RASSF5: variants seen among roughly 807,000 people sequenced by gnomAD.
RASSF5 encodes the protein Ras association domain family member 5, also known as ras association domain-containing protein 5.
Under a neutral mutation model 40.5 loss-of-function variants are expected in RASSF5, and 25 were observed. The ratio of observed to expected loss-of-function variants is 0.62; its 90% CI spans 0.45 to 0.86. RASSF5 has a LOEUF of 0.86. RASSF5 is among the 40% of genes least tolerant of loss of function. The pLI is 0.00. For synonymous variants in RASSF5, 246 were observed against 252.4 expected, an observed-to-expected ratio of 0.97 and a Z score of 0.24; for missense variants, 521 against 572.8, an observed-to-expected ratio of 0.91 and a Z score of 0.92.
chr1:206,550,147 C>T (rs1553400862), intron 2 of RASSF5, among the ~76,000 whole-genome samples: 1 of 152,138 alleles, frequency 6.6e-6, no homozygotes, highest in Admixed American at 6.5e-5. Context: ...TAGGGATCAA[C>T]TCATTTGTTT....
At chr1:206,565,223 C>T (rs1385479003) in intron 2 of RASSF5, among the ~76,000 whole-genome samples, 3 of 152,168 alleles carry the variant, frequency 2.0e-5, no homozygotes, top group African/African-American at 7.2e-5. Context: ...CAGGCCTCTC[C>T]TCTCTGTCCC....
In RASSF5 at chr1:206,535,670, G is replaced by A. The variant is rs1273955850; in HGVS notation, c.458-2502G>A. On this transcript the variant is annotated intron_variant, in intron 1 of 5. Transcript: ENST00000579436. This position sits in a 1 kb window ranked among gnomAD's most constrained non-coding sequence, Gnocchi z 5.0. Reference sequence around the variant, plus strand: ...TACTTAGTGTTGTCCAGCTCAGCATGGTGATGTTTTCAGGGTGTGTGTGTG... The same window carrying A: ...TACTTAGTGTTGTCCAGCTCAGCATAGTGATGTTTTCAGGGTGTGTGTGTG... 6.6e-6 allele frequency among the ~76,000 whole-genome samples: 1 copy of A among 151,680 alleles called. No individual in the cohort carries two copies. The highest frequency in any genetic ancestry group is 1.5e-5 in the Non-Finnish European group (1 of 67,950).
At chr1:206,523,885 A>T (rs1470462416) in intron 1 of RASSF5, among the ~76,000 whole-genome samples, 3 of 111,032 alleles carry the variant, frequency 2.7e-5, no homozygotes, top group South Asian at 2.6e-4. Context: ...TTTTATATAT[A>T]TTTTTCATGT....
At chr1:206,510,513 T>C (rs746127115) in intron 1 of RASSF5, among the ~76,000 whole-genome samples, 6 of 152,220 alleles carry the variant, frequency 3.9e-5, no homozygotes, top group Non-Finnish European at 7.3e-5. Flanking sequence ...ATGATTGTTA[T>C]TGTCCCCTCC....
rs781998960 is a variant in RASSF5, at chr1:206,584,261, C to T, written c.691-126C>T. ...TCTGCTCCTTCCTCCAGCTCTCCCA[C>T]GTCAGCAGAGGCAGGAAAGAACTCA... On this transcript the variant is annotated intron_variant, in intron 3 of 5. Transcript: ENST00000579436. The surrounding 1 kb of genome is among the most constrained non-coding windows in gnomAD (Gnocchi z 4.9). The T allele has an allele frequency of 8.2e-5, 74 of 899,946 alleles. No homozygotes were observed. The highest frequency in any genetic ancestry group is 6.6e-4 in the Middle Eastern group (2 of 3,044). The allele number at this position is 899,946 out of a possible 1,614,324, so 55.7% of individuals were successfully genotyped here.
At chr1:206,549,014 T>C (rs1054415707) in intron 2 of RASSF5, among the ~76,000 whole-genome samples, 14 of 152,090 alleles carry the variant, frequency 9.2e-5, no homozygotes, top group African/African-American at 3.4e-4. Flanking sequence ...TACAGGTGCC[T>C]GCCAACGCTC....
intron 2 of RASSF5, among the ~76,000 whole-genome samples, chr1:206,538,840 T>C (rs1349151217): frequency 6.6e-6 from 1 of 152,256 alleles, no homozygotes; most frequent in African/African-American, 2.4e-5. Flanking sequence ...CAGAGGAGTG[T>C]GTTTATTGCT....
intron 1 of RASSF5, among the ~76,000 whole-genome samples, chr1:206,537,630 A>G (rs1667449916): frequency 6.6e-6 from 1 of 152,218 alleles, no homozygotes; most frequent in South Asian, 2.1e-4. Context: ...AAAATCAAAA[A>G]TCCGAATTGC....
rs782072454 is a variant in RASSF5, at chr1:206,579,835, G to A, written c.580-3434G>A. 6.6e-6 allele frequency among the ~76,000 whole-genome samples: 1 copy of A among 152,120 alleles called. No homozygotes were observed. Among genetic ancestry groups the A allele is most frequent in the Admixed American group, 6.5e-5 (1 of 15,282 alleles). ...CATCTCTTGGGTGGAAAAAGGATCC[G>A]TGAGCCCTCGTGGCTGTGGCTGGCT... On this transcript the variant is annotated intron_variant, in intron 2 of 5. Coordinates refer to ENST00000579436, the MANE Select transcript of RASSF5 (RefSeq NM_182663.4). This position sits in a 1 kb window ranked among gnomAD's most constrained non-coding sequence, Gnocchi z 4.2.
In RASSF5 at chr1:206,564,657, G is replaced by C. The variant is rs1039248030; in HGVS notation, c.580-18612G>C. On this transcript the variant is annotated intron_variant, in intron 2 of 5. Coordinates refer to ENST00000579436, the MANE Select transcript of RASSF5 (RefSeq NM_182663.4). ...CACTTACCAGGTACCCCACACCTGTGTATCTTCTGGCTTTGGGAGCTCCCT... is the reference window on the plus strand; with the variant it reads ...CACTTACCAGGTACCCCACACCTGTCTATCTTCTGGCTTTGGGAGCTCCCT... 7.2e-5 allele frequency among the ~76,000 whole-genome samples: 11 copies of C among 152,280 alleles called. No individual in the cohort carries two copies. In the East Asian group the frequency reaches 2.1e-3, roughly 29 times the overall value.
At chr1:206,545,666 T>A (rs1427023751) in intron 2 of RASSF5, among the ~76,000 whole-genome samples, 2 of 152,194 alleles carry the variant, frequency 1.3e-5, no homozygotes, top group African/African-American at 2.4e-5. Context: ...TTAATTGACC[T>A]GTGTATCATT....
At chr1:206,526,608 G>C (rs549122222) in intron 1 of RASSF5, among the ~76,000 whole-genome samples, 4 of 152,100 alleles carry the variant, frequency 2.6e-5, no homozygotes, top group African/African-American at 9.7e-5. Context: ...AGACCTCCAG[G>C]CTTGACTATC....
chr1:206,556,623 G>A (rs1667993870), intron 2 of RASSF5, among the ~76,000 whole-genome samples: 1 of 152,312 alleles, frequency 6.6e-6, no homozygotes, highest in Non-Finnish European at 1.5e-5. Flanking sequence ...CTTCCTGAGG[G>A]CCAAGTTCTA....
At chr1:206,556,358 G>A (rs1481075845) in intron 2 of RASSF5, among the ~76,000 whole-genome samples, 2 of 152,238 alleles carry the variant, frequency 1.3e-5, no homozygotes, top group Non-Finnish European at 2.9e-5. Context: ...TAGAGTGCAC[G>A]TAAATCACTT....
At chr1:206,526,925 G>T (rs1273054476) in intron 1 of RASSF5, among the ~76,000 whole-genome samples, 1 of 152,168 alleles carries the variant, frequency 6.6e-6, no homozygotes, top group Non-Finnish European at 1.5e-5. Flanking sequence ...GGTGCCGTTG[G>T]ATGCTTTGCA....
intron 1 of RASSF5, chr1:206,529,160 G>A: frequency 6.6e-7 from 1 of 1,508,722 alleles, no homozygotes; most frequent in Non-Finnish European, 8.9e-7. Context: ...AGTTCACCCA[G>A]GCCCTGGACC....
chr1:206,518,243 C>T (rs1201953528), intron 1 of RASSF5: 3 of 394,510 alleles, frequency 7.6e-6, no homozygotes, highest in Non-Finnish European at 1.3e-5. Flanking sequence ...AAGGCATCGT[C>T]AGTCGTTGAG....
chr1:206,507,977 C>A lies in RASSF5; in HGVS notation c.375C>A (p.Phe125Leu). The change falls in exon 1 of 6, where the codon TTC (phenylalanine) becomes TTA (leucine). Residue 125 changes from phenylalanine to leucine, a missense_variant. Coordinates refer to ENST00000579436, the MANE Select transcript of RASSF5 (RefSeq NM_182663.4). The part of the protein sequence containing the change: ...VPAERGEGHC[F>L]AELVLPGGPG... ...CGGAGCGAGGCGAGGGGCACTGCTT[C>A]GCCGAGTTGGTGCTGCCGGGCGGCC... 6.5e-7 allele frequency: 1 copy of A among 1,535,808 alleles called. No individual in the cohort carries two copies. The highest frequency in any genetic ancestry group is 8.7e-7 in the Non-Finnish European group (1 of 1,147,890).
intron 2 of RASSF5, among the ~76,000 whole-genome samples, chr1:206,545,345 G>T (rs1023901313): frequency 5.4e-5 from 7 of 130,262 alleles, no homozygotes; most frequent in African/African-American, 2.0e-4. Flanking sequence ...AATTTCTTGT[G>T]TTTTTTTTTT....
Sources: gnomAD v4.1 joint callset for allele counts (sites outside exome capture counted in the v4.1 genomes callset) on GRCh38, gnomAD v4.1.1 for gene constraint, Gnocchi (gnomAD v3.1) non-coding constraint, MANE v1.5 for transcripts, NCBI Gene and HGNC (gene_info 2026-07-23, HGNC 2026-07-21) for gene names.